Variants in KMT2D observed in about 807,000 individuals in gnomAD.
The protein encoded by KMT2D is lysine methyltransferase 2D.
Under a neutral mutation model 512.7 loss-of-function variants are expected in KMT2D, and 55 were observed. That is an observed-to-expected ratio of 0.11 (90% CI 0.09 to 0.13). The LOEUF (loss-of-function observed/expected upper bound fraction) is 0.13, where lower values mean the gene tolerates loss of function less well. Among genes scored for constraint, KMT2D ranks in the 10% least tolerant of loss-of-function variants. The probability of loss-of-function intolerance (pLI) is 1.00; values close to 1 mark genes in which losing one functional copy is unlikely to be tolerated. For synonymous variants in KMT2D, 2,995 were observed against 2,904.0 expected, an observed-to-expected ratio of 1.03 and a Z score of -1.01; for missense variants, 6,061 against 7,127.9, an observed-to-expected ratio of 0.85 and a Z score of 5.39.
intron 6 of KMT2D, 133 bp downstream of exon 6, chr12:49,053,845 G>C: frequency 8.7e-7 from 1 of 1,145,220 alleles, no homozygotes; most frequent in Non-Finnish European, 1.2e-6. Context: ...TGCTCACAAA[G>C]TTCACACCTA....
rs201568916 is a variant in KMT2D, at chr12:49,050,408, C to A, written c.3180G>T (p.Lys1060Asn). 7.0e-5 allele frequency: 113 copies of A among 1,613,786 alleles called. No individual in the cohort carries two copies. The African/African-American group carries it at 1.0e-3, about 15-fold the overall frequency. ...CAGCCTCATCTGAGACCCCCACTAC[C>A]TTCCCTATGGGACTCAACGGGGAGG... The part of the protein sequence containing the change: ...SVPSPLSPIG[K>N]VVGVSDEAEL... Residue 1060 changes from lysine to asparagine, a missense_variant, in exon 12 of 55, where the codon AAG (lysine) becomes AAT (asparagine). Physicochemically the swap from Lys to Asn is moderately conservative, Grantham distance 94 (BLOSUM62 0). This residue lies in a region of KMT2D where 447 missense variants were observed against 500.1 expected (regional missense o/e 0.89). Coordinates refer to ENST00000301067, the MANE Select transcript of KMT2D (RefSeq NM_003482.4).
rs1943543224 is a variant in KMT2D at position 49,041,762 on chromosome 12, C to G, written c.6184-57G>C. ...AGTGCTTGGTCTCATGCCCCGCCCC[C>G]ATACTGTAGTGTTTTCACACTCCCT... On this transcript the variant is annotated intron_variant, in intron 30 of 54. Coordinates refer to ENST00000301067, the MANE Select transcript of KMT2D (RefSeq NM_003482.4). The surrounding 1 kb of genome is among the most constrained non-coding windows in gnomAD (Gnocchi z 5.4). 4.5e-6 allele frequency: 7 copies of G among 1,565,940 alleles called. No homozygotes were observed. The highest frequency in any genetic ancestry group is 2.7e-5 in the African/African-American group (2 of 73,924).
Position 49,020,556 on chromosome 12 carries a change from T to C in KMT2D, c.*1224A>G, listed in dbSNP as rs1053869149. The C allele has an allele frequency of 3.5e-5, 7 of 202,842 alleles. No individual in the cohort carries two copies. The highest frequency in any genetic ancestry group is 1.5e-4 in the East Asian group (2 of 13,580). The allele number at this position is 202,842 out of a possible 1,614,324, so 12.6% of individuals were successfully genotyped here. On this transcript the variant is annotated 3_prime_UTR_variant, in exon 55 of 55. Transcript: ENST00000301067. Reference sequence around the variant, plus strand: ...CCCCACAAGACTATGTACAATCCCATGTATAAATAGATAAATACCCCCCAC... The same window carrying C: ...CCCCACAAGACTATGTACAATCCCACGTATAAATAGATAAATACCCCCCAC...
Position 49,033,694 on chromosome 12 carries a change from G to C in KMT2D, c.11011C>G (p.Pro3671Ala), listed in dbSNP as rs1404628782. The C allele has an allele frequency of 3.7e-5, 60 of 1,613,684 alleles. No individual in the cohort carries two copies. The highest frequency in any genetic ancestry group is 5.1e-5 in the Non-Finnish European group (60 of 1,179,864). The stretch of plus-strand genomic sequence containing the variant: ...TGGGCCAGAGCTGTATTAAGGAAGG[G>C]GCCACCAGGCTGTCCAGGTAGTGCC... Reference protein sequence around the residue: ...GMALPGQPGGPFLNTALAQQQ... With the variant: ...GMALPGQPGGAFLNTALAQQQ... The change falls in exon 40 of 55, where the codon CCC becomes GCC. Residue 3671 changes from proline to alanine, a missense_variant. Transcript: ENST00000301067.
Position 49,060,540 on chromosome 12 carries a change from G to A in KMT2D, c.-965C>T, listed in dbSNP as rs1364119784. Among the ~76,000 whole-genome samples the A allele has an allele frequency of 6.6e-6, 1 of 152,242 alleles. No individual in the cohort carries two copies. The highest frequency in any genetic ancestry group is 1.5e-5 in the Non-Finnish European group (1 of 68,044). ...GGAAACTGAGCGGAAAGTGGGGAAC[G>A]AGGCAGCCATTTGCAACCGGAGAGG... On this transcript the variant is annotated 5_prime_UTR_variant, in exon 1 of 55. Coordinates refer to ENST00000301067, the MANE Select transcript of KMT2D (RefSeq NM_003482.4).
Position 49,042,790 on chromosome 12 carries a change from G to A in KMT2D, c.5733C>T (p.Thr1911=). 1 of 1,613,966 alleles carries A rather than the reference G, an allele frequency of 6.2e-7. No individual in the cohort carries two copies. The highest frequency in any genetic ancestry group is 1.3e-5 in the African/African-American group (1 of 75,042). Reference sequence around the variant, plus strand: ...GCGTACGGCTGCCTTCTAGGCCAGGGGTTCCACAACCCAGATGCTGTTCTC... The same window carrying A: ...GCGTACGGCTGCCTTCTAGGCCAGGAGTTCCACAACCCAGATGCTGTTCTC... The part of the protein sequence containing the change: ...SEREQHLGCG[T]PGLEGSRTPL... The change falls in exon 27 of 55, where the codon ACC becomes ACT. Residue 1911 remains threonine (T), a synonymous_variant. Coordinates refer to ENST00000301067, the MANE Select transcript of KMT2D (RefSeq NM_003482.4). The surrounding 1 kb of genome is among the most constrained non-coding windows in gnomAD (Gnocchi z 4.4).
rs1938674845 is a variant in KMT2D, at chr12:49,060,333, C to A, written c.-758G>T. On this transcript the variant is annotated 5_prime_UTR_variant, in exon 1 of 55. Transcript: ENST00000301067. ...GGGGCGGGCGGTGCGAGCCCTCTGC[C>A]CGCTCCCCTCCGGCCGCTCCAGGCC... Among the ~76,000 whole-genome samples the A allele has an allele frequency of 6.6e-6, 1 of 151,986 alleles. No individual in the cohort carries two copies. The highest frequency in any genetic ancestry group is 2.4e-5 in the African/African-American group (1 of 41,384).
rs1367133633 is a variant in KMT2D, at chr12:49,032,007, T to TGCTGCA, written c.12692_12697dup (p.Leu4231_Gln4232dup). 8 of 1,605,998 alleles carry TGCTGCA rather than the reference T, an allele frequency of 5.0e-6. No individual in the cohort carries two copies. The African/African-American group carries it at 1.1e-4, about 21-fold the overall frequency. The stretch of plus-strand genomic sequence containing the variant: ...TGGGGTCTGGCGTACTGCCTGACTC[T>TGCTGCA]GCTGCAGCTGCCGCTGCATGAGGAG... On this transcript the variant is annotated inframe_insertion, in exon 40 of 55. Coordinates refer to ENST00000301067, the MANE Select transcript of KMT2D (RefSeq NM_003482.4).
rs1565803518 is a variant in KMT2D at position 49,044,381 on chromosome 12, C to CAA, written c.5083+20_5083+21dup. On this transcript the variant is annotated intron_variant, in intron 21 of 54. Transcript: ENST00000301067. This position sits in a 1 kb window ranked among gnomAD's most constrained non-coding sequence, Gnocchi z 6.4. ...TGCCCCGCACCACCCCACCACCCCA[C>CAA]AACCCCATCCCAGGACCTCACCAGG... 3 of 1,613,834 alleles carry CAA rather than the reference C, an allele frequency of 1.9e-6. No homozygotes were observed. The highest frequency in any genetic ancestry group is 2.5e-6 in the Non-Finnish European group (3 of 1,179,802).
At position 49,044,167 on chromosome 12, in the gene KMT2D, C is replaced by T; in HGVS notation, c.5188+33G>A. The T allele has an allele frequency of 6.2e-7, 1 of 1,605,014 alleles. No homozygotes were observed. Among genetic ancestry groups the T allele is most frequent in the African/African-American group, 1.3e-5 (1 of 74,904 alleles). ...TCTCTCTAGCATTGCCCCACCTTCT[C>T]CCAGGCCCCACTGGTGCCCTCACCC... On this transcript the variant is annotated intron_variant, in intron 22 of 54. Coordinates refer to ENST00000301067, the MANE Select transcript of KMT2D (RefSeq NM_003482.4). The surrounding 1 kb of genome is among the most constrained non-coding windows in gnomAD (Gnocchi z 6.4).
chr12:49,039,109 A>AT lies in KMT2D; in HGVS notation c.8366+112_8366+113insA, dbSNP rs1163713723. ...TGAGGGAGAAAAGGAATGAGGAAGA[A>AT]GAGAAAGTGATACTGGAAAAGGATT... On this transcript the variant is annotated intron_variant, in intron 34 of 54. Coordinates refer to ENST00000301067, the MANE Select transcript of KMT2D (RefSeq NM_003482.4). This position sits in a 1 kb window ranked among gnomAD's most constrained non-coding sequence, Gnocchi z 5.0. 2 of 1,531,352 alleles carry AT rather than the reference A, an allele frequency of 1.3e-6. No individual in the cohort carries two copies. The highest frequency in any genetic ancestry group is 1.8e-6 in the Non-Finnish European group (2 of 1,111,114). The allele number at this position is 1,531,352 out of a possible 1,614,324, so 94.9% of individuals were successfully genotyped here.
At position 49,045,479 on chromosome 12, in the gene KMT2D, TA is replaced by T. The variant is rs34909216; in HGVS notation, c.4741+440del. Among the ~76,000 whole-genome samples, 7 of 151,774 alleles carry T rather than the reference TA, an allele frequency of 4.6e-5. No individual in the cohort carries two copies. In the South Asian group the frequency reaches 1.5e-3, roughly 32 times the overall value. Reference sequence around the variant, plus strand: ...TAACACGGTGAAACCCCATCTCTACTAAAAAATACAAAAAATTAGCCGGGCG... The same window carrying T: ...TAACACGGTGAAACCCCATCTCTACTAAAAATACAAAAAATTAGCCGGGCG... On this transcript the variant is annotated intron_variant, in intron 19 of 54. Transcript: ENST00000301067.
rs1286278528 is a variant in KMT2D at position 49,040,040 on chromosome 12, C to T, written c.7730G>A (p.Ser2577Asn). The T allele has an allele frequency of 1.9e-6, 3 of 1,613,832 alleles. No individual in the cohort carries two copies. Among genetic ancestry groups the T allele is most frequent in the South Asian group, 2.2e-5 (2 of 91,050 alleles). The change falls in exon 32 of 55, where the codon AGC becomes AAC. Residue 2577 changes from serine to asparagine, a missense_variant. Ser to Asn is a conservative substitution (Grantham distance 46). Transcript: ENST00000301067. ...CCCTGTGGCTACTGTGTAGTTTGTG[C>T]TTTGAGGCTTGCCCAAGGTGGGGCC... ...GPGPTLGKPQSTNYTVATGNF... is the reference protein window; with the variant it reads ...GPGPTLGKPQNTNYTVATGNF...
In KMT2D at chr12:49,044,251, C is replaced by T. The variant is rs1943679920; in HGVS notation, c.5137G>A (p.Gly1713Arg). 6.2e-7 allele frequency: 1 copy of T among 1,612,890 alleles called. No individual in the cohort carries two copies. The highest frequency in any genetic ancestry group is 8.5e-7 in the Non-Finnish European group (1 of 1,179,874). ...AACACCTCCGCCTGTGCAGCAGGCC[C>T]CTTTTTCGTGCGTGTGTGGGATTTC... ...QRKSHTRTKK[G>R]PAAQAEVLSG... The change falls in exon 22 of 55, where the codon GGG becomes AGG. Residue 1713 changes from glycine (G) to arginine (R), a missense_variant. Gly to Arg is a moderately radical substitution (Grantham distance 125). Coordinates refer to ENST00000301067, the MANE Select transcript of KMT2D (RefSeq NM_003482.4). This position sits in a 1 kb window ranked among gnomAD's most constrained non-coding sequence, Gnocchi z 6.4.
chr12:49,057,394 G>C (rs1370468818), intron 1 of KMT2D, among the ~76,000 whole-genome samples: 1 of 152,180 alleles, frequency 6.6e-6, no homozygotes, highest in African/African-American at 2.4e-5. Flanking sequence ...CTCACACAAG[G>C]CCAGAGGGGC....
chr12:49,032,160 C>A lies in KMT2D; in HGVS notation c.12545G>T (p.Gly4182Val), dbSNP rs1332191547. 2 of 1,613,320 alleles carry A rather than the reference C, an allele frequency of 1.2e-6. No homozygotes were observed. Residue 4182 changes from glycine (G) to valine (V), a missense_variant, in exon 40 of 55, where the codon GGG (glycine) becomes GTG (valine). Around this residue, in one of 16 missense-constraint regions of KMT2D, gnomAD observed 1,600 missense variants for 1,754.9 expected, o/e 0.91. Transcript: ENST00000301067. ...PPKPGPVLQS[G>V]QGLPGVGIMP... is the part of the protein sequence containing the mutation. ...GATTCCAACCCCAGGCAGACCCTGC[C>A]CAGACTGGAGGACAGGTCCTGGTTT...
Position 49,024,840 on chromosome 12 carries a change from C to T in KMT2D, c.15891G>A (p.Thr5297=), listed in dbSNP as rs778749102. ...YLKGEELFGL[T]VHAVLRIAES... ...CAGCTATGCGAAGCACGGCATGCAC[C>T]GTCAGCCCAAAGAGCTCCTCGCCCT... Residue 5297 remains threonine (T), a synonymous_variant, in exon 50 of 55, where the codon ACG becomes ACA. Coordinates refer to ENST00000301067, the MANE Select transcript of KMT2D (RefSeq NM_003482.4). This position sits in a 1 kb window ranked among gnomAD's most constrained non-coding sequence, Gnocchi z 4.5. The T allele has an allele frequency of 5.0e-6, 8 of 1,612,638 alleles. No homozygotes were observed. Among genetic ancestry groups the T allele is most frequent in the South Asian group, 2.2e-5 (2 of 90,782 alleles).
At position 49,041,539 on chromosome 12, in the gene KMT2D, C is replaced by T. The variant is rs2120548599; in HGVS notation, c.6235-4G>A. The T allele has an allele frequency of 1.2e-6, 2 of 1,613,292 alleles. No individual in the cohort carries two copies. Among genetic ancestry groups the T allele is most frequent in the Non-Finnish European group, 1.7e-6 (2 of 1,179,534 alleles). ...TGTTGATCTGGCTCTCAGCCTGCTA[C>T]AGGGGGAGACCAGGCATAGGGCAGT... On this transcript the variant is annotated splice_polypyrimidine_tract_variant and splice_region_variant and intron_variant, in intron 31 of 54. Transcript: ENST00000301067. This position sits in a 1 kb window ranked among gnomAD's most constrained non-coding sequence, Gnocchi z 5.4.
rs2120474617 is a variant in KMT2D, at chr12:49,037,145, T to C, written c.10211A>G (p.Asn3404Ser). The C allele has an allele frequency of 6.3e-7, 1 of 1,579,754 alleles. No homozygotes were observed. The highest frequency in any genetic ancestry group is 8.6e-7 in the Non-Finnish European group (1 of 1,157,322). ...GTTACCTGTATCTGGGAAGAAGCTG[T>C]TTGCCAGCTGCTGCTGCATTGCCAA... ...QQLAMQQQLA[N>S]SFFPDTDLDK... Residue 3404 changes from asparagine (N) to serine (S), a missense_variant, in exon 35 of 55, where the codon AAC becomes AGC. By Grantham distance (46) the Asn-to-Ser change is conservative. Coordinates refer to ENST00000301067, the MANE Select transcript of KMT2D (RefSeq NM_003482.4).
Sources: gnomAD v4.1 joint callset for allele counts (sites outside exome capture counted in the v4.1 genomes callset) on GRCh38, gnomAD v4.1.1 for gene constraint, gnomAD v4.1.1 regional missense constraint, Gnocchi (gnomAD v3.1) non-coding constraint, MANE v1.5 for transcripts, NCBI Gene and HGNC (gene_info 2026-07-23, HGNC 2026-07-21) for gene names.